The following MAD1L1 variants were observed in gnomAD, a reference collection of about 807,000 sequenced individuals.
MAD1L1 encodes mitotic spindle assembly checkpoint protein MAD1.
MAD1L1 carries 95 observed loss-of-function variants against 96.9 expected under a neutral mutation model. The observed-to-expected ratio is 0.98, with a 90% CI of 0.83 to 1.16. The LOEUF (loss-of-function observed/expected upper bound fraction) is 1.16, where lower values mean the gene tolerates loss of function less well. Among genes scored for constraint, MAD1L1 ranks in the 50% most tolerant of loss-of-function variants. The pLI is 0.00. For synonymous variants in MAD1L1, 473 were observed against 396.6 expected (o/e 1.19, Z -2.29); for missense variants, 1,007 against 954.4 (o/e 1.06, Z -0.73).
intron 12 of MAD1L1, among the ~76,000 whole-genome samples, chr7:2,062,758 G>A (rs1031536914): frequency 3.9e-5 from 6 of 152,124 alleles, no homozygotes; most frequent in Admixed American, 6.5e-5. Context: ...CAAGCCTCCC[G>A]AGGTGGGGCT....
intron 17 of MAD1L1, among the ~76,000 whole-genome samples, chr7:1,926,729 T>C (rs944443016): frequency 7.2e-5 from 11 of 152,150 alleles, no homozygotes; most frequent in Non-Finnish European, 1.6e-4. Context: ...AAAGAGCGTT[T>C]TCAGCTTGAT....
chr7:1,875,551 C>T (rs4265091), intron 18 of MAD1L1, among the ~76,000 whole-genome samples: 4,651 of 152,222 alleles, frequency 0.031, 152 homozygotes, highest in Admixed American at 0.077. Flanking sequence ...GAAAGGAAGG[C>T]GTGGAACACA....
intron 18 of MAD1L1, among the ~76,000 whole-genome samples, chr7:1,851,171 G>C (rs997043054): frequency 3.3e-5 from 5 of 152,182 alleles, no homozygotes; most frequent in African/African-American, 1.2e-4. Flanking sequence ...CAACCCTGTG[G>C]GGTGACCCAT....
intron 13 of MAD1L1, among the ~76,000 whole-genome samples, chr7:2,011,121 C>T (rs553794689): frequency 3.3e-5 from 5 of 152,260 alleles, no homozygotes; most frequent in East Asian, 1.9e-4. Flanking sequence ...CCGGCTGGGG[C>T]GATGGCGGCC....
rs1583994222 is a variant in MAD1L1, at chr7:1,983,491, C to T, written c.1417-2950G>A. ...GGTAACATTTCCCTAAAACGTCATT[C>T]ATTTCCCACAGATTTTTAAGTTTAT... is the stretch of plus-strand genomic sequence containing the variant. On this transcript the variant is annotated intron_variant, in intron 14 of 18. Coordinates refer to ENST00000265854, the MANE Select transcript of MAD1L1 (RefSeq NM_001013836.2). Among the ~76,000 whole-genome samples the T allele has an allele frequency of 3.3e-5, 5 of 152,316 alleles. No homozygotes were observed. In the South Asian group the frequency reaches 1.0e-3, roughly 32 times the overall value.
At chr7:1,843,357 C>T (rs530378599) in intron 18 of MAD1L1, among the ~76,000 whole-genome samples, 33 of 152,282 alleles carry the variant, frequency 2.2e-4, no homozygotes, top group African/African-American at 7.2e-4. Flanking sequence ...AGCTCCTGCG[C>T]AGACGTCCCT....
intron 18 of MAD1L1, among the ~76,000 whole-genome samples, chr7:1,870,248 C>G (rs1458499496): frequency 2.7e-5 from 4 of 150,836 alleles, no homozygotes; most frequent in Non-Finnish European, 5.9e-5. Context: ...ACCATAACAC[C>G]TGCCACGCTG....
intron 17 of MAD1L1, among the ~76,000 whole-genome samples, chr7:1,906,742 G>A (rs934957934): frequency 6.6e-5 from 10 of 152,346 alleles, no homozygotes; most frequent in South Asian, 4.1e-4. Flanking sequence ...GGAAGTGCGC[G>A]ACGGGTGCGT....
chr7:1,877,678 G>T (rs187601985), intron 18 of MAD1L1, among the ~76,000 whole-genome samples: 1 of 152,110 alleles, frequency 6.6e-6, no homozygotes, highest in Non-Finnish European at 1.5e-5. Context: ...TAGATTAAAA[G>T]ATTAGAAATA....
At chr7:1,971,365 A>G (rs985638128) in intron 15 of MAD1L1, among the ~76,000 whole-genome samples, 2 of 152,168 alleles carry the variant, frequency 1.3e-5, no homozygotes, top group Admixed American at 1.3e-4. Flanking sequence ...CAGAAGTCAA[A>G]ACATGGCCAA....
At position 2,067,860 on chromosome 7, in the gene MAD1L1, G is replaced by A. The variant is rs898884081; in HGVS notation, c.1218+1334C>T. ...CCACGGCGTCCACCTCTGTTGAGGT[G>A]CGTGGCAGGTGCTGGTCTGGTGCCA... On this transcript the variant is annotated intron_variant, in intron 12 of 18. Coordinates refer to ENST00000265854, the MANE Select transcript of MAD1L1 (RefSeq NM_001013836.2). 1.4e-4 allele frequency among the ~76,000 whole-genome samples: 22 copies of A among 151,962 alleles called. 1 individual carries two copies. In the Middle Eastern group the frequency reaches 0.01, roughly 70 times the overall value.
intron 10 of MAD1L1, chr7:2,175,216 G>C (rs950826832): frequency 6.6e-6 from 1 of 152,246 alleles, no homozygotes; most frequent in African/African-American, 2.4e-5. Context: ...CGCCCCGGCT[G>C]CACTGGGCTG....
chr7:1,886,098 C>T (rs1362859618), intron 18 of MAD1L1, among the ~76,000 whole-genome samples: 1 of 152,242 alleles, frequency 6.6e-6, no homozygotes, highest in Non-Finnish European at 1.5e-5. Flanking sequence ...GACCCGTGGG[C>T]ATGTTTACCT....
chr7:1,972,166 A>G (rs533016944), intron 15 of MAD1L1, among the ~76,000 whole-genome samples: 1 of 152,316 alleles, frequency 6.6e-6, no homozygotes, highest in Non-Finnish European at 1.5e-5. Context: ...CACAACTGCC[A>G]TCCAGACACA....
At chr7:1,932,182 A>C (rs1461850316) in intron 17 of MAD1L1, among the ~76,000 whole-genome samples, 2 of 150,260 alleles carry the variant, frequency 1.3e-5, no homozygotes, top group African/African-American at 4.9e-5. Flanking sequence ...TATCCCAGAA[A>C]CTCTGGCCCG....
rs189515993 is a variant in MAD1L1 at position 2,099,588 on chromosome 7, G to A, written c.1074-30250C>T. Among the ~76,000 whole-genome samples, 312 of 145,714 alleles carry A rather than the reference G, an allele frequency of 2.1e-3. 5 individuals carry two copies. Among genetic ancestry groups the A allele is most frequent in the Admixed American group, 0.014 (198 of 14,370 alleles). On this transcript the variant is annotated intron_variant, in intron 11 of 18. Transcript: ENST00000265854. ...CGCCACCCAGAGGCCAGGCGGGAGCGTGGACGGAAGTGAGCGCATCGGGCT... is the reference window on the plus strand; with the variant it reads ...CGCCACCCAGAGGCCAGGCGGGAGCATGGACGGAAGTGAGCGCATCGGGCT...
intron 10 of MAD1L1, among the ~76,000 whole-genome samples, chr7:2,176,186 GA>G (rs1224591057): frequency 6.6e-6 from 1 of 152,004 alleles, no homozygotes; most frequent in Non-Finnish European, 1.5e-5. Flanking sequence ...CGTCACTACT[GA>G]AAATACAAAA....
chr7:1,879,994 T>C (rs927609638), intron 18 of MAD1L1, among the ~76,000 whole-genome samples: 1 of 151,786 alleles, frequency 6.6e-6, no homozygotes, highest in East Asian at 1.9e-4. Context: ...CCTCCCAAAG[T>C]GCTGGGATTA....
intron 11 of MAD1L1, among the ~76,000 whole-genome samples, chr7:2,094,646 G>C (rs1786384486): frequency 6.6e-6 from 1 of 152,208 alleles, no homozygotes; most frequent in South Asian, 2.1e-4. Flanking sequence ...AAAGGCCCTG[G>C]GGCAGGAGCG....
Sources: gnomAD v4.1 joint callset for allele counts (sites outside exome capture counted in the v4.1 genomes callset) on GRCh38, gnomAD v4.1.1 for gene constraint, MANE v1.5 for transcripts, NCBI Gene and HGNC (gene_info 2026-07-23, HGNC 2026-07-21) for gene names.